Variants in NMS observed in about 807,000 individuals in gnomAD.
NMS encodes neuromedin S.
Under a neutral mutation model 32.2 loss-of-function variants are expected in NMS, and 30 were observed. The ratio of observed to expected loss-of-function variants is 0.93; its 90% confidence interval spans 0.70 to 1.26. The LOEUF is 1.26. NMS is among the 50% of genes most tolerant of loss of function. The pLI is 0.00. For missense variants in NMS, 190 were observed against 186.3 expected (o/e 1.02, Z -0.12); for synonymous variants, 76 against 58.5 (o/e 1.30, Z -1.37).
rs767409484 is a variant in NMS, at chr2:100,477,262, A to G, written c.202A>G (p.Lys68Glu). The change falls in exon 4 of 10, where the codon AAA becomes GAA. Residue 68 changes from lysine to glutamate, a missense_variant. Lys to Glu is a moderately conservative substitution (Grantham distance 56). Transcript: ENST00000376865. Reference protein sequence around the residue: ...RQPKDNQDIYKRFLFHYSRTQ... With the variant: ...RQPKDNQDIYERFLFHYSRTQ... ...TTTCCAGGATAATCAAGACATATAC[A>G]AAAGGGTGAGTACCACCTAGCCCTG... The G allele has an allele frequency of 6.2e-7, 1 of 1,613,396 alleles. No individual in the cohort carries two copies. Among genetic ancestry groups the G allele is most frequent in the South Asian group, 1.1e-5 (1 of 91,078 alleles).
intron 5 of NMS, among the ~76,000 whole-genome samples, chr2:100,479,003 T>C (rs573285039): frequency 1.3e-5 from 2 of 152,204 alleles, no homozygotes; most frequent in South Asian, 4.1e-4. Context: ...TTCCCTTGGA[T>C]GAGGAGCTCA....
chr2:100,470,689 T>G, intron 1 of NMS, 125 bp downstream of exon 1: 2 of 787,704 alleles, frequency 2.5e-6, no homozygotes, highest in Non-Finnish European at 4.4e-6. Flanking sequence ...CCTTCTTGAT[T>G]TCTGGCTGCA....
At chr2:100,475,581 C>G (rs1401036391) in intron 3 of NMS, among the ~76,000 whole-genome samples, 1 of 152,150 alleles carries the variant, frequency 6.6e-6, no homozygotes, top group African/African-American at 2.4e-5. Flanking sequence ...TGCCACGGAC[C>G]AGGTGCTAGG....
chr2:100,475,020 T>A (rs1414176692), intron 3 of NMS, among the ~76,000 whole-genome samples: 2 of 152,176 alleles, frequency 1.3e-5, no homozygotes, highest in African/African-American at 2.4e-5. Context: ...GGAAGTAGTG[T>A]GGCTGTCCCA....
At position 100,474,178 on chromosome 2, in the gene NMS, C is replaced by CA. The variant is rs1485804851; in HGVS notation, c.183+645dup. On this transcript the variant is annotated intron_variant, in intron 3 of 9. Coordinates refer to ENST00000376865, the MANE Select transcript of NMS (RefSeq NM_001011717.1). ...AGACTCTATCTCACCAAAATGAAAA[C>CA]AAAAAACTTTACAGTAACTGTAGTA... Among the ~76,000 whole-genome samples the CA allele has an allele frequency of 3.3e-5, 5 of 152,148 alleles. No homozygotes were observed. In the East Asian group the frequency reaches 7.7e-4, roughly 23 times the overall value.
At position 100,481,152 on chromosome 2, in the gene NMS, C is replaced by A; in HGVS notation, c.399C>A (p.Pro133=). The change falls in exon 8 of 10, where the codon CCC becomes CCA. Residue 133 remains proline, a synonymous_variant. Transcript: ENST00000376865. ...ATCACACTGCGACCTGGGGACGACC[C>A]TTTTTCCTTTTCAGGGTATAGCATG... ...KKDHTATWGR[P]FFLFRPRNGR... is the part of the protein sequence containing the mutation. 1 of 1,614,144 alleles carries A rather than the reference C, an allele frequency of 6.2e-7. No individual in the cohort carries two copies. Among genetic ancestry groups the A allele is most frequent in the Non-Finnish European group, 8.5e-7 (1 of 1,180,006 alleles).
In NMS at chr2:100,480,666, G is replaced by T. The variant is rs112101933; in HGVS notation, c.372+135G>T. On this transcript the variant is annotated intron_variant, in intron 7 of 9. Coordinates refer to ENST00000376865, the MANE Select transcript of NMS (RefSeq NM_001011717.1). ...AGAGCTGGTCTCCAAAGGACCCTGA[G>T]AATCTTTTGTGGCTGAGCAATTAAG... The T allele has an allele frequency of 3.1e-5, 26 of 826,508 alleles. 1 individual carries two copies. The African/African-American group carries it at 3.3e-4, about 10-fold the overall frequency. 51.2% of individuals were successfully genotyped at this position (826,508 alleles called of 1,614,324 possible).
rs1484277309 is a variant in NMS, at chr2:100,473,976, G to C, written c.183+437G>C. Among the ~76,000 whole-genome samples, 3 of 152,212 alleles carry C rather than the reference G, an allele frequency of 2.0e-5. No individual in the cohort carries two copies. In the East Asian group the frequency reaches 5.8e-4, roughly 29 times the overall value. On this transcript the variant is annotated intron_variant, in intron 3 of 9. Coordinates refer to ENST00000376865, the MANE Select transcript of NMS (RefSeq NM_001011717.1). ...GCAGATCACTTGAGGCCAGGAGCTTGAGTCCAGCCTGGCCAACAAGGTGAA... is the reference window on the plus strand; with the variant it reads ...GCAGATCACTTGAGGCCAGGAGCTTCAGTCCAGCCTGGCCAACAAGGTGAA...
chr2:100,470,520 T>A lies in NMS; in HGVS notation c.32T>A (p.Ile11Asn), dbSNP rs1418054924. The change falls in exon 1 of 10, where the codon ATC becomes AAC. Residue 11 changes from isoleucine (I) to asparagine (N), a missense_variant. Ile to Asn is a moderately radical substitution (Grantham distance 149). Transcript: ENST00000376865. ...CATCTTCGTCCCCAGTTCCCTCTCA[T>A]CTTGGCCATCTACTGCTTCTGCATG... The part of the protein sequence containing the change: MKHLRPQFPL[I>N]LAIYCFCMLQ... The A allele has an allele frequency of 5.6e-6, 9 of 1,613,866 alleles. No homozygotes were observed. The highest frequency in any genetic ancestry group is 6.8e-6 in the Non-Finnish European group (8 of 1,179,926).
intron 1 of NMS, among the ~76,000 whole-genome samples, chr2:100,471,465 G>A (rs934813194): frequency 5.3e-5 from 8 of 152,082 alleles, no homozygotes; most frequent in Admixed American, 3.3e-4. Flanking sequence ...GTAGCTTCCC[G>A]ATTCTATTTA....
At chr2:100,479,129 T>G (rs1483699100) in intron 5 of NMS, among the ~76,000 whole-genome samples, 1 of 152,188 alleles carries the variant, frequency 6.6e-6, no homozygotes, top group African/African-American at 2.4e-5. Flanking sequence ...CCTAAGGGAA[T>G]ATTTTTAAGG....
intron 5 of NMS, among the ~76,000 whole-genome samples, chr2:100,478,474 G>GT (rs1677155074): frequency 6.6e-6 from 1 of 151,834 alleles, no homozygotes; most frequent in Non-Finnish European, 1.5e-5. Context: ...TTGTTTGTTT[G>GT]TTTTTTTGAC....
intron 3 of NMS, among the ~76,000 whole-genome samples, chr2:100,475,656 A>G (rs914445133): frequency 6.6e-6 from 1 of 152,170 alleles, no homozygotes. Flanking sequence ...TGGGAAAATG[A>G]ATAATAAACA....
chr2:100,470,873 C>A (rs13414838), intron 1 of NMS, among the ~76,000 whole-genome samples: 35,863 of 152,130 alleles, frequency 0.24, 4,443 homozygotes, highest in East Asian at 0.34. Context: ...AGGGGAAGAT[C>A]CCACTTGTAG....
chr2:100,477,386 A>T lies in NMS; in HGVS notation c.233A>T (p.Gln78Leu), dbSNP rs756230747. ...KRFLFHYSRT[Q>L]EATHPVKTGF... ...TTTTTGTTTCACTACTCCAGAACTCAGGAGGCAACACATCCAGTTAAAACT... is the reference window on the plus strand; with the variant it reads ...TTTTTGTTTCACTACTCCAGAACTCTGGAGGCAACACATCCAGTTAAAACT... Residue 78 changes from glutamine to leucine, a missense_variant, in exon 5 of 10, where the codon CAG (glutamine) becomes CTG (leucine). Gln to Leu is a moderately radical substitution (Grantham distance 113). Coordinates refer to ENST00000376865, the MANE Select transcript of NMS (RefSeq NM_001011717.1). The T allele has an allele frequency of 6.2e-7, 1 of 1,613,268 alleles. No homozygotes were observed. Among genetic ancestry groups the T allele is most frequent in the Non-Finnish European group, 8.5e-7 (1 of 1,179,316 alleles).
At chr2:100,475,455 C>T (rs947312619) in intron 3 of NMS, among the ~76,000 whole-genome samples, 7 of 152,160 alleles carry the variant, frequency 4.6e-5, no homozygotes, top group Non-Finnish European at 8.8e-5. Flanking sequence ...CTTCATGTTT[C>T]GTGTTTCTGG....
At chr2:100,472,301 G>T (rs1469033073) in intron 1 of NMS, among the ~76,000 whole-genome samples, 2 of 152,206 alleles carry the variant, frequency 1.3e-5, no homozygotes, top group African/African-American at 4.8e-5. Context: ...GGTTGACAGG[G>T]TCCAGCTGCA....
At chr2:100,478,961 T>G (rs574243033) in intron 5 of NMS, among the ~76,000 whole-genome samples, 2 of 152,172 alleles carry the variant, frequency 1.3e-5, no homozygotes, top group Non-Finnish European at 2.9e-5. Flanking sequence ...CAGAAGTGCT[T>G]GGGGAGGGTT....
chr2:100,482,919 T>C (rs866573468), intron 9 of NMS, among the ~76,000 whole-genome samples: 4 of 152,212 alleles, frequency 2.6e-5, no homozygotes, highest in African/African-American at 9.6e-5. Context: ...TGCTGTCCAA[T>C]GGATGCTGCC....
Sources: allele counts gnomAD v4.1 joint callset (sites outside exome capture counted in the v4.1 genomes callset), GRCh38; gene constraint gnomAD v4.1.1; transcripts MANE v1.5; gene names NCBI Gene and HGNC (gene_info 2026-07-23, HGNC 2026-07-21).